Variants in GMPR observed in about 807,000 individuals in gnomAD.
The protein encoded by GMPR is guanosine monophosphate reductase.
GMPR carries 31 observed loss-of-function variants against 38.4 expected under a neutral mutation model. That is an observed-to-expected ratio of 0.81 (90% CI 0.61 to 1.09). GMPR has a LOEUF of 1.09. Among genes scored for constraint, GMPR ranks in the 50% least tolerant of loss-of-function variants. The pLI is 0.00. For synonymous variants in GMPR, 162 were observed against 173.3 expected (o/e 0.93, Z 0.51); for missense variants, 468 against 453.7 (o/e 1.03, Z -0.29).
chr6:16,254,988 CAT>C (rs1253079823), intron 4 of GMPR, among the ~76,000 whole-genome samples: 3 of 151,826 alleles, frequency 2.0e-5, no homozygotes, highest in Admixed American at 6.6e-5. Context: ...AGTATCATCA[CAT>C]GTTTCTTACT....
At chr6:16,268,090 G>A (rs2063218578) in intron 4 of GMPR, among the ~76,000 whole-genome samples, 1 of 152,150 alleles carries the variant, frequency 6.6e-6, no homozygotes. Flanking sequence ...AGGTACAAGG[G>A]GTGTGTATGG....
intron 4 of GMPR, among the ~76,000 whole-genome samples, chr6:16,267,337 A>T (rs1464920025): frequency 1.3e-5 from 2 of 151,630 alleles, no homozygotes; most frequent in African/African-American, 4.9e-5. Flanking sequence ...GCGCCACTGC[A>T]CTCCGGCCTG....
At chr6:16,264,173 G>A (rs958604916) in intron 4 of GMPR, among the ~76,000 whole-genome samples, 30 of 151,936 alleles carry the variant, frequency 2.0e-4, no homozygotes, top group African/African-American at 7.0e-4. Flanking sequence ...GACCGGCGCC[G>A]GAGTTTTGAG....
intron 4 of GMPR, among the ~76,000 whole-genome samples, chr6:16,271,491 A>C (rs909186992): frequency 2.0e-5 from 3 of 152,190 alleles, no homozygotes; most frequent in African/African-American, 7.2e-5. Flanking sequence ...TGTCTCAAAA[A>C]GAAAAAAGAA....
At chr6:16,260,416 G>A (rs897684217) in intron 4 of GMPR, among the ~76,000 whole-genome samples, 3 of 151,952 alleles carry the variant, frequency 2.0e-5, no homozygotes, top group Non-Finnish European at 4.4e-5. Context: ...GACCCTGTAG[G>A]AAAGGCCTGT....
chr6:16,289,190 A>C (rs139689595), intron 7 of GMPR, among the ~76,000 whole-genome samples: 1 of 152,306 alleles, frequency 6.6e-6, no homozygotes, highest in South Asian at 2.1e-4. Context: ...GAGCTAGCGC[A>C]GACCCCAACC....
chr6:16,246,751 C>A, intron 1 of GMPR, 91 bp from the exon 2 acceptor site: 1 of 1,261,358 alleles, frequency 7.9e-7, no homozygotes, highest in Non-Finnish European at 1.1e-6. Context: ...CTTGTTCCTA[C>A]TCGCTCCAAA....
chr6:16,273,811 A>ACTT (rs1554133764), intron 4 of GMPR, among the ~76,000 whole-genome samples: 5 of 112,872 alleles, frequency 4.4e-5, no homozygotes, highest in African/African-American at 1.8e-4. Context: ...TCCCTCTAAG[A>ACTT]TTTTTTTTTT....
At chr6:16,282,927 G>A (rs1421836806) in intron 6 of GMPR, among the ~76,000 whole-genome samples, 1 of 151,736 alleles carries the variant, frequency 6.6e-6, no homozygotes, top group African/African-American at 2.4e-5. Context: ...TCCTGCCTCA[G>A]CCTCCCGAGT....
chr6:16,274,656 C>A (rs931627947), intron 5 of GMPR, among the ~76,000 whole-genome samples, 160 bp downstream of exon 5: 2 of 151,858 alleles, frequency 1.3e-5, no homozygotes, highest in African/African-American at 4.8e-5. Context: ...CTCGGGGAAG[C>A]CCCTGATGAA....
At chr6:16,249,636 T>A (rs924519817) in intron 2 of GMPR, among the ~76,000 whole-genome samples, 2 of 152,184 alleles carry the variant, frequency 1.3e-5, no homozygotes, top group African/African-American at 2.4e-5. Context: ...TTAAACTGCT[T>A]AAGCTCCATT....
At chr6:16,253,750 C>A (rs2113674276) in intron 3 of GMPR, among the ~76,000 whole-genome samples, 1 of 152,266 alleles carries the variant, frequency 6.6e-6, no homozygotes, top group South Asian at 2.1e-4. Flanking sequence ...CAGATATCAT[C>A]CCCTCTCTTG....
chr6:16,244,665 C>T (rs1333516672), intron 1 of GMPR, among the ~76,000 whole-genome samples: 1 of 152,100 alleles, frequency 6.6e-6, no homozygotes, highest in Non-Finnish European at 1.5e-5. Context: ...GGAATCTAAT[C>T]TATATTTGGC....
rs949471101 is a variant in GMPR at position 16,260,857 on chromosome 6, A to G, written c.465+6122A>G. ...CATGGGGGTCAGGTGTGGTATCAGG[A>G]ATAACGTGGGAGGGTGGATTGAAGT... On this transcript the variant is annotated intron_variant, in intron 4 of 8. Coordinates refer to ENST00000259727, the MANE Select transcript of GMPR (RefSeq NM_006877.4). 2.6e-5 allele frequency among the ~76,000 whole-genome samples: 4 copies of G among 151,974 alleles called. No individual in the cohort carries two copies. The Admixed American group carries it at 2.6e-4, about 10-fold the overall frequency.
At chr6:16,274,826 G>A (rs969711321) in intron 5 of GMPR, among the ~76,000 whole-genome samples, 2 of 152,154 alleles carry the variant, frequency 1.3e-5, no homozygotes, top group Admixed American at 6.5e-5. Flanking sequence ...AAGGCGATAG[G>A]TGAAGAATCC....
At chr6:16,246,151 G>A (rs570302317) in intron 1 of GMPR, among the ~76,000 whole-genome samples, 2 of 152,284 alleles carry the variant, frequency 1.3e-5, no homozygotes, top group African/African-American at 4.8e-5. Flanking sequence ...GCTCTATCTA[G>A]CACGTGGCTT....
At chr6:16,261,908 T>C (rs373997870) in intron 4 of GMPR, among the ~76,000 whole-genome samples, 32 of 151,918 alleles carry the variant, frequency 2.1e-4, no homozygotes, top group East Asian at 1.7e-3. Flanking sequence ...CAATGAGATG[T>C]AGCTGTAATC....
intron 1 of GMPR, among the ~76,000 whole-genome samples, chr6:16,241,849 C>T (rs1230049382): frequency 6.6e-6 from 1 of 152,088 alleles, no homozygotes; most frequent in Non-Finnish European, 1.5e-5. Context: ...TCAAGCGATT[C>T]TCCTTCCTCA....
intron 4 of GMPR, among the ~76,000 whole-genome samples, chr6:16,269,792 G>A (rs188743491): frequency 6.6e-6 from 1 of 152,152 alleles, no homozygotes; most frequent in Non-Finnish European, 1.5e-5. Context: ...GTGAGACCCT[G>A]TCTCAAAAAT....
Sources: allele counts gnomAD v4.1 joint callset (sites outside exome capture counted in the v4.1 genomes callset), GRCh38; gene constraint gnomAD v4.1.1; transcripts MANE v1.5; gene names NCBI Gene and HGNC (gene_info 2026-07-23, HGNC 2026-07-21).